RBFOX2: variants seen among roughly 807,000 people sequenced by gnomAD.
RBFOX2 encodes the protein RNA binding fox-1 homolog 2.
A neutral mutation model predicts 49.1 loss-of-function variants in RBFOX2; 10 were observed. That is an observed-to-expected ratio of 0.20 (90% CI 0.13 to 0.35). The LOEUF is 0.35. RBFOX2 is among the 10% of genes least tolerant of loss of function. The pLI is 1.00. For synonymous variants in RBFOX2, 183 were observed against 187.4 expected (o/e 0.98, Z 0.19); for missense variants, 323 against 486.9 (o/e 0.66, Z 3.17).
chr22:35,850,384 A>T (rs1403012108), intron 1 of RBFOX2, among the ~76,000 whole-genome samples: 4 of 151,884 alleles, frequency 2.6e-5, no homozygotes, highest in Non-Finnish European at 2.9e-5. Flanking sequence ...ATCATTTAAC[A>T]CCTCCCTCGC....
intron 1 of RBFOX2, chr22:35,995,649 A>T (rs1048443575): frequency 1.3e-5 from 2 of 153,276 alleles, no homozygotes; most frequent in Non-Finnish European, 2.9e-5. Context: ...CCCCCTTCAC[A>T]CTCTCTCTCT....
chr22:35,962,575 A>C (rs1297700009), upstream of RBFOX2, among the ~76,000 whole-genome samples: 2 of 152,194 alleles, frequency 1.3e-5, no homozygotes, highest in Non-Finnish European at 2.9e-5. Context: ...ATCCTTTCAT[A>C]ATCATAGATA....
At chr22:35,949,185 G>C (rs977481980) in intron 1 of RBFOX2, among the ~76,000 whole-genome samples, 2 of 152,140 alleles carry the variant, frequency 1.3e-5, no homozygotes, top group East Asian at 3.8e-4. Context: ...TAATAATATT[G>C]TGTTAAAATT....
intron 1 of RBFOX2, among the ~76,000 whole-genome samples, chr22:35,891,641 T>C (rs1376496930): frequency 6.6e-6 from 1 of 152,204 alleles, no homozygotes; most frequent in Non-Finnish European, 1.5e-5. Context: ...CAGCTAAGAC[T>C]GCACAGACAG....
At position 35,950,558 on chromosome 22, in the gene RBFOX2, T is replaced by C. The variant is rs147323515; in HGVS notation, c.42+11005A>G. On this transcript the variant is annotated intron_variant, in intron 1 of 5. Transcript: ENST00000408983. Reference sequence around the variant, plus strand: ...AAAGTGCCTCTGGTGAGACAACTCCTTGTGAAGAGCTTTCCCAAGTATCCT... The same window carrying C: ...AAAGTGCCTCTGGTGAGACAACTCCCTGTGAAGAGCTTTCCCAAGTATCCT... 1.8e-4 allele frequency among the ~76,000 whole-genome samples: 28 copies of C among 152,324 alleles called. No individual in the cohort carries two copies. In the South Asian group the frequency reaches 5.0e-3, roughly 27 times the overall value.
At position 35,856,589 on chromosome 22, in the gene RBFOX2, A is replaced by C. The variant is rs973007922; in HGVS notation, c.-33-46585T>G. Among the ~76,000 whole-genome samples the C allele has an allele frequency of 3.3e-5, 5 of 151,916 alleles. No individual in the cohort carries two copies. The East Asian group carries it at 9.6e-4, about 29-fold the overall frequency. On this transcript the variant is annotated intron_variant, in intron 1 of 13. Coordinates refer to the RBFOX2 transcript ENST00000359369. ...ACCCTGTGCACCAGGGTAAGACAGA[A>C]CTTCAAAAAGAGATAGGTCAGTTCT... is the stretch of plus-strand genomic sequence containing the variant.
chr22:35,903,811 C>T (rs1195158212), intron 1 of RBFOX2, among the ~76,000 whole-genome samples: 1 of 152,146 alleles, frequency 6.6e-6, no homozygotes, highest in Non-Finnish European at 1.5e-5. Flanking sequence ...CATCTCTTTC[C>T]TGAATATCAC....
intron 3 of RBFOX2, among the ~76,000 whole-genome samples, chr22:35,779,396 T>C (rs551806822): frequency 1.3e-4 from 20 of 152,258 alleles, no homozygotes; most frequent in Middle Eastern, 6.8e-3. Flanking sequence ...AAAACAGAAA[T>C]CATGCTGTTC....
chr22:35,899,900 C>T (rs2048360702), intron 1 of RBFOX2, among the ~76,000 whole-genome samples: 1 of 152,044 alleles, frequency 6.6e-6, no homozygotes. Context: ...CTGAGGAGGG[C>T]CCACAGAAGA....
intron 1 of RBFOX2, among the ~76,000 whole-genome samples, chr22:35,966,765 C>A (rs2056581988): frequency 6.6e-6 from 1 of 152,118 alleles, no homozygotes; most frequent in Non-Finnish European, 1.5e-5. Flanking sequence ...ACTACAAATA[C>A]TTTCTCCTAC....
intron 1 of RBFOX2, among the ~76,000 whole-genome samples, chr22:35,929,609 TATATC>T (rs778413103): frequency 2.4e-4 from 36 of 152,140 alleles, no homozygotes; most frequent in Non-Finnish European, 4.1e-4. Context: ...AAAGACTACA[TATATC>T]ATATAATTCC....
At chr22:35,966,906 A>C (rs1347511082) in intron 1 of RBFOX2, among the ~76,000 whole-genome samples, 1 of 151,876 alleles carries the variant, frequency 6.6e-6, no homozygotes, top group African/African-American at 2.4e-5. Context: ...TTGAACTCCT[A>C]AGCTCAAGCA....
chr22:36,025,237 A>C (rs1338706224), intron 1 of RBFOX2, among the ~76,000 whole-genome samples: 1 of 152,206 alleles, frequency 6.6e-6, no homozygotes, highest in Non-Finnish European at 1.5e-5. Flanking sequence ...GTTTCCAAAC[A>C]AACCAAGCAG....
chr22:35,936,230 A>AAC (rs2053051346), intron 1 of RBFOX2, among the ~76,000 whole-genome samples: 1 of 146,946 alleles, frequency 6.8e-6, no homozygotes, highest in African/African-American at 2.5e-5. Flanking sequence ...AACCAAACCA[A>AAC]CAACAACAAA....
chr22:35,761,638 G>A (rs1938912127), intron 6 of RBFOX2, among the ~76,000 whole-genome samples, 170 bp from the exon 8 acceptor site: 1 of 152,068 alleles, frequency 6.6e-6, no homozygotes. Context: ...AGTAGAACTA[G>A]GACACAGTGA....
At chr22:35,743,927 A>G (rs1601972638) in exon 12 of RBFOX2, 1 of 371,092 alleles carries the variant, frequency 2.7e-6, no homozygotes. Context: ...ATGGAAATGC[A>G]TTATTTTTTT....
chr22:35,856,012 G>GA (rs748498859), intron 1 of RBFOX2, among the ~76,000 whole-genome samples: 88 of 134,680 alleles, frequency 6.5e-4, no homozygotes, highest in Non-Finnish European at 5.8e-4. Flanking sequence ...GTCTCAGGAA[G>GA]AAAAAAAAAA....
chr22:35,781,834 G>C (rs1024295610), intron 2 of RBFOX2, 88 bp from the exon 4 acceptor site: 23 of 1,545,418 alleles, frequency 1.5e-5, no homozygotes, highest in Middle Eastern at 1.9e-4. Flanking sequence ...CCCCAAACAG[G>C]GTATGTTTAA....
At chr22:35,787,156 T>C (rs1315532803) in intron 2 of RBFOX2, among the ~76,000 whole-genome samples, 4 of 152,196 alleles carry the variant, frequency 2.6e-5, no homozygotes, top group East Asian at 1.9e-4. Flanking sequence ...CCTCCTGCCT[T>C]AGCCTCCCAA....
Sources: allele counts gnomAD v4.1 joint callset (sites outside exome capture counted in the v4.1 genomes callset), GRCh38; gene constraint gnomAD v4.1.1; transcripts MANE v1.5; gene names NCBI Gene and HGNC (gene_info 2026-07-23, HGNC 2026-07-21).